CCL7: variants seen among roughly 807,000 people sequenced by gnomAD.
The protein encoded by CCL7 is C-C motif chemokine 7.
In CCL7, 8 loss-of-function variants were observed where a neutral mutation model predicts 7.1. The observed-to-expected ratio is 1.13, with a 90% CI of 0.66 to 2.04. The LOEUF (loss-of-function observed/expected upper bound fraction) is 2.04. Among genes scored for constraint, CCL7 ranks in the 30% most tolerant of loss-of-function variants. The pLI is 0.00. For missense variants in CCL7, 134 were observed against 113.6 expected, an observed-to-expected ratio of 1.18 and a Z score of -0.82; for synonymous variants, 46 against 41.2, an observed-to-expected ratio of 1.12 and a Z score of -0.45.
chr17:34,270,358 C>T lies in CCL7; in HGVS notation c.68C>T (p.Ala23Val). The T allele has an allele frequency of 6.2e-7, 1 of 1,613,992 alleles. No individual in the cohort carries two copies. The highest frequency in any genetic ancestry group is 8.5e-7 in the Non-Finnish European group (1 of 1,179,858). The change falls in exon 1 of 3, where the codon GCT (alanine) becomes GTT (valine). Residue 23 changes from alanine (A) to valine (V), a missense_variant. Coordinates refer to ENST00000378569, the MANE Select transcript of CCL7 (RefSeq NM_006273.4). ...GCTGCTTTCAGCCCCCAGGGGCTTG[C>T]TCAGCCAGGTAAGGTCCCTCTCTCC... ...TAAAFSPQGLAQPVGINTSTT... is the reference protein window; with the variant it reads ...TAAAFSPQGLVQPVGINTSTT...
In CCL7 at chr17:34,271,746, T is replaced by G. The variant is rs1240712154; in HGVS notation, c.244T>G (p.Trp82Gly). Residue 82 changes from tryptophan to glycine, a missense_variant, in exon 3 of 3, where the codon TGG (tryptophan) becomes GGG (glycine). By Grantham distance (184) the Trp-to-Gly change is radical. Transcript: ENST00000378569. ...KEICADPTQK[W>G]VQDFMKHLDK... ...GATCTGTGCTGACCCCACACAGAAG[T>G]GGGTCCAGGACTTTATGAAGCACCT... The G allele has an allele frequency of 2.5e-6, 4 of 1,613,378 alleles. No individual in the cohort carries two copies. Among genetic ancestry groups the G allele is most frequent in the Non-Finnish European group, 3.4e-6 (4 of 1,179,854 alleles).
chr17:34,270,838 G>A (rs1199401243), intron 1 of CCL7, among the ~76,000 whole-genome samples: 1 of 152,222 alleles, frequency 6.6e-6, no homozygotes, highest in African/African-American at 2.4e-5. Context: ...GGGATCCATA[G>A]TTGGGGTACC....
In CCL7 at chr17:34,270,714, G is replaced by A. The variant is rs143063038; in HGVS notation, c.76+348G>A. On this transcript the variant is annotated intron_variant, in intron 1 of 2. Coordinates refer to ENST00000378569, the MANE Select transcript of CCL7 (RefSeq NM_006273.4). The stretch of plus-strand genomic sequence containing the variant: ...GGTGTGCGGGCTGTTTCCAGATACC[G>A]GGAGACCCAGAATCTGGTCTGTGGA... Among the ~76,000 whole-genome samples the A allele has an allele frequency of 2.9e-3, 440 of 152,250 alleles. 2 individuals carry two copies. The highest frequency in any genetic ancestry group is 7.7e-3 in the African/African-American group (318 of 41,550).
Position 34,271,801 on chromosome 17 carries a change from GA to G in CCL7, c.*1del, listed in dbSNP as rs754448225. 6.3e-7 allele frequency: 1 copy of G among 1,597,176 alleles called. No homozygotes were observed. The stretch of plus-strand genomic sequence containing the variant: ...AAGAAAACCCAAACTCCAAAGCTTT[GA>G]ACATTCATGACTGAACTGAAAACAA... ...LDKKTQTPKL[*>X] On this transcript the variant is annotated frameshift_variant and stop_lost, in exon 3 of 3. Transcript: ENST00000378569. LOFTEE classifies it high-confidence loss of function.
In CCL7 at chr17:34,271,875, AGTGGT is replaced by A; in HGVS notation, c.*74_*78del. The stretch of plus-strand genomic sequence containing the variant: ...ATTTGTATACCCTGTCCTTTCTCAG[AGTGGT>A]TCTGAGATTATTTTAATCTAATTCT... On this transcript the variant is annotated 3_prime_UTR_variant, in exon 3 of 3. Coordinates refer to ENST00000378569, the MANE Select transcript of CCL7 (RefSeq NM_006273.4). The A allele has an allele frequency of 5.9e-6, 5 of 843,570 alleles. No individual in the cohort carries two copies. The highest frequency in any genetic ancestry group is 9.7e-6 in the Non-Finnish European group (5 of 516,626). The allele number at this position is 843,570 out of a possible 1,614,324, so 52.3% of individuals were successfully genotyped here. A position where few individuals can be genotyped will look rare whatever the true frequency, so the allele number is the denominator to read the frequency against.
chr17:34,271,935 A>G lies in CCL7; in HGVS notation c.*133A>G. 1 of 609,976 alleles carries G rather than the reference A, an allele frequency of 1.6e-6. No individual in the cohort carries two copies. Among genetic ancestry groups the G allele is most frequent in the Admixed American group, 3.6e-5 (1 of 28,060 alleles). The allele number at this position is 609,976 out of a possible 1,614,324, so 37.8% of individuals were successfully genotyped here. ...AATATGAGCTTTATGTAATAATGTG[A>G]ATCATGGTTTTTCTTAGTAGATTTT... On this transcript the variant is annotated 3_prime_UTR_variant, in exon 3 of 3. Coordinates refer to ENST00000378569, the MANE Select transcript of CCL7 (RefSeq NM_006273.4).
In CCL7 at chr17:34,270,351, G is replaced by C. The variant is rs761623623; in HGVS notation, c.61G>C (p.Gly21Arg). ...LLTAAAFSPQGLAQPVGINTS... is the reference protein window; with the variant it reads ...LLTAAAFSPQRLAQPVGINTS... ...CACAGCAGCTGCTTTCAGCCCCCAG[G>C]GGCTTGCTCAGCCAGGTAAGGTCCC... Residue 21 changes from glycine to arginine, a missense_variant, in exon 1 of 3, where the codon GGG becomes CGG. Physicochemically the swap from Gly to Arg is moderately radical, Grantham distance 125 (BLOSUM62 -2). Coordinates refer to ENST00000378569, the MANE Select transcript of CCL7 (RefSeq NM_006273.4). 19 of 1,614,020 alleles carry C rather than the reference G, an allele frequency of 1.2e-5. No individual in the cohort carries two copies. The highest frequency in any genetic ancestry group is 1.3e-5 in the African/African-American group (1 of 74,912).
rs199820635 is a variant in CCL7 at position 34,270,284 on chromosome 17, C to A, written c.-7C>A. On this transcript the variant is annotated 5_prime_UTR_variant, in exon 1 of 3. Coordinates refer to ENST00000378569, the MANE Select transcript of CCL7 (RefSeq NM_006273.4). ...TCATGTGGAAGCCCATGCCCTCACC[C>A]TCCAACATGAAAGCCTCTGCAGCAC... 1 of 1,614,154 alleles carries A rather than the reference C, an allele frequency of 6.2e-7. No individual in the cohort carries two copies. Among genetic ancestry groups the A allele is most frequent in the Middle Eastern group, 1.6e-4 (1 of 6,062 alleles).
chr17:34,271,933 TG>T lies in CCL7; in HGVS notation c.*132del. 1 of 612,044 alleles carries T rather than the reference TG, an allele frequency of 1.6e-6. No homozygotes were observed. The highest frequency in any genetic ancestry group is 3.2e-5 in the East Asian group (1 of 31,536). 37.9% of individuals were successfully genotyped at this position (612,044 alleles called of 1,614,324 possible). ...GGAATATGAGCTTTATGTAATAATG[TG>T]AATCATGGTTTTTCTTAGTAGATTT... On this transcript the variant is annotated 3_prime_UTR_variant, in exon 3 of 3. Coordinates refer to ENST00000378569, the MANE Select transcript of CCL7 (RefSeq NM_006273.4).
rs374482058 is a variant in CCL7, at chr17:34,271,119, A to C, written c.77-27A>C. 4 of 1,613,974 alleles carry C rather than the reference A, an allele frequency of 2.5e-6. No individual in the cohort carries two copies. The African/African-American group carries it at 5.3e-5, about 22-fold the overall frequency. ...AAGACCCAGGACACACCCTCAATGG[A>C]CTTTTCTTCTTGTTGTTTCATTGCA... On this transcript the variant is annotated intron_variant, in intron 1 of 2. Coordinates refer to ENST00000378569, the MANE Select transcript of CCL7 (RefSeq NM_006273.4).
chr17:34,272,066 C>A lies in CCL7; in HGVS notation c.*264C>A, dbSNP rs1446081903. 1 of 349,026 alleles carries A rather than the reference C, an allele frequency of 2.9e-6. No individual in the cohort carries two copies. The highest frequency in any genetic ancestry group is 5.2e-6 in the Non-Finnish European group (1 of 192,860). The allele number at this position is 349,026 out of a possible 1,614,324, so 21.6% of individuals were successfully genotyped here. ...TCAGTGCTGTAAAAACTGTGGGATG[C>A]TCCTCCCTTCTCTACCTCATGGGGG... On this transcript the variant is annotated 3_prime_UTR_variant, in exon 3 of 3. Transcript: ENST00000378569.
rs761409847 is a variant in CCL7 at position 34,271,198 on chromosome 17, C to A, written c.129C>A (p.Ile43=). Residue 43 remains isoleucine, a synonymous_variant, in exon 2 of 3, where the codon ATC becomes ATA. Transcript: ENST00000378569. ...TCCYRFINKK[I]PKQRLESYRR... ...GCTACAGATTTATCAATAAGAAAAT[C>A]CCTAAGCAGAGGCTGGAGAGCTACA... 4 of 1,613,970 alleles carry A rather than the reference C, an allele frequency of 2.5e-6. No homozygotes were observed. Among genetic ancestry groups the A allele is most frequent in the Admixed American group, 3.3e-5 (2 of 59,992 alleles).
At chr17:34,271,562 T>A (rs1908162915) in intron 2 of CCL7, 135 bp from the exon 3 acceptor site, 1 of 620,722 alleles carries the variant, frequency 1.6e-6, no homozygotes, top group Non-Finnish European at 2.8e-6. Flanking sequence ...TCCTTTGTTT[T>A]ATCTTCTTCC....
chr17:34,270,873 A>G (rs1223715543), intron 1 of CCL7, among the ~76,000 whole-genome samples: 1 of 152,146 alleles, frequency 6.6e-6, no homozygotes, highest in African/African-American at 2.4e-5. Flanking sequence ...TTGGATTATT[A>G]TATTAGCCCC....
chr17:34,270,947 C>T, intron 1 of CCL7, 199 bp from the exon 2 acceptor site: 3 of 1,138,026 alleles, frequency 2.6e-6, no homozygotes, highest in Non-Finnish European at 2.4e-6. Context: ...ATGGTGCATC[C>T]CTATTTCACA....
chr17:34,271,274 G>A lies in CCL7; in HGVS notation c.194+11G>A, dbSNP rs2302160. ...CCGGGAAGCTGTAATGTATGTGGACGATGACCACCCACCCCTCACACCTCA... is the reference window on the plus strand; with the variant it reads ...CCGGGAAGCTGTAATGTATGTGGACAATGACCACCCACCCCTCACACCTCA... On this transcript the variant is annotated intron_variant, in intron 2 of 2. Coordinates refer to ENST00000378569, the MANE Select transcript of CCL7 (RefSeq NM_006273.4). 9.9e-4 allele frequency: 1,597 copies of A among 1,605,796 alleles called. 26 individuals carry two copies. The East Asian group carries it at 0.029, about 30-fold the overall frequency.
Position 34,271,814 on chromosome 17 carries a change from T to A in CCL7, c.*12T>A. 6.4e-7 allele frequency: 1 copy of A among 1,554,592 alleles called. No individual in the cohort carries two copies. Among genetic ancestry groups the A allele is most frequent in the Non-Finnish European group, 8.9e-7 (1 of 1,128,818 alleles). On this transcript the variant is annotated 3_prime_UTR_variant, in exon 3 of 3. Coordinates refer to ENST00000378569, the MANE Select transcript of CCL7 (RefSeq NM_006273.4). ...CTCCAAAGCTTTGAACATTCATGACTGAACTGAAAACAAGCCATGACTTGA... is the reference window on the plus strand; with the variant it reads ...CTCCAAAGCTTTGAACATTCATGACAGAACTGAAAACAAGCCATGACTTGA...
chr17:34,271,340 A>C, intron 2 of CCL7, 77 bp downstream of exon 2: 1 of 1,182,746 alleles, frequency 8.5e-7, no homozygotes, highest in Non-Finnish European at 1.2e-6. Context: ...GACTAGTATC[A>C]GAATGAGTTG....
chr17:34,271,390 T>A, intron 2 of CCL7, 127 bp downstream of exon 2: 4 of 769,026 alleles, frequency 5.2e-6, no homozygotes, highest in Middle Eastern at 4.0e-4. Flanking sequence ...TCTAACCTTA[T>A]CCCAGACATT....
Sources: allele counts gnomAD v4.1 joint callset (sites outside exome capture counted in the v4.1 genomes callset), GRCh38; gene constraint gnomAD v4.1.1; transcripts MANE v1.5; gene names NCBI Gene and HGNC (gene_info 2026-07-23, HGNC 2026-07-21).